COL19A1: variants seen among roughly 807,000 people sequenced by gnomAD.
The protein encoded by COL19A1 is collagen type XIX alpha 1 chain, also known as collagen alpha-1(XIX) chain.
COL19A1 carries 159 observed loss-of-function variants against 190.2 expected under a neutral mutation model. The observed-to-expected ratio is 0.84, with a 90% confidence interval of 0.73 to 0.95. COL19A1 has a LOEUF of 0.95. Ranked by LOEUF, COL19A1 falls within the 40% of genes least tolerant of loss-of-function variation. COL19A1 has a pLI of 0.00. For synonymous variants in COL19A1, 509 were observed against 458.9 expected (o/e 1.11, Z -1.39); for missense variants, 1,418 against 1,431.9 (o/e 0.99, Z 0.16).
intron 49 of COL19A1, among the ~76,000 whole-genome samples, chr6:70,206,081 C>T (rs541692568): frequency 6.6e-6 from 1 of 152,202 alleles, no homozygotes; most frequent in Non-Finnish European, 1.5e-5. Context: ...CATGCTCTTG[C>T]TATCATTTAT....
intron 16 of COL19A1, among the ~76,000 whole-genome samples, chr6:70,114,624 G>C (rs1784463297): frequency 6.6e-6 from 1 of 151,904 alleles, no homozygotes; most frequent in Admixed American, 6.6e-5. Flanking sequence ...TTCTTTCCCA[G>C]GATTTAGGAA....
intron 14 of COL19A1, among the ~76,000 whole-genome samples, chr6:70,045,238 G>T (rs1779843826): frequency 6.6e-6 from 1 of 150,858 alleles, no homozygotes; most frequent in African/African-American, 2.4e-5. Flanking sequence ...ACTTGAAACT[G>T]GGAGGTGGAG....
At chr6:70,161,586 C>A (rs144752752) in intron 34 of COL19A1, among the ~76,000 whole-genome samples, 1 of 152,026 alleles carries the variant, frequency 6.6e-6, no homozygotes, top group Admixed American at 6.6e-5. Flanking sequence ...GGAGTATAGG[C>A]GAGGTGTGAA....
intron 11 of COL19A1, among the ~76,000 whole-genome samples, chr6:69,983,863 C>G (rs558972416): frequency 1.3e-5 from 2 of 151,972 alleles, no homozygotes; most frequent in African/African-American, 4.8e-5. Context: ...TTGCTACTAT[C>G]ATGATTAGGA....
At chr6:70,123,846 G>T (rs978363921) in intron 17 of COL19A1, among the ~76,000 whole-genome samples, 4 of 150,026 alleles carry the variant, frequency 2.7e-5, no homozygotes, top group African/African-American at 9.8e-5. Flanking sequence ...AGCATTGGGA[G>T]ATACACCTAA....
chr6:70,055,800 A>AAT lies in COL19A1; in HGVS notation c.1171-12622_1171-12621insTA, dbSNP rs1562125741. Among the ~76,000 whole-genome samples, 9 of 150,906 alleles carry AAT rather than the reference A, an allele frequency of 6.0e-5. No homozygotes were observed. The East Asian group carries it at 1.2e-3, about 20-fold the overall frequency. ...CTGTATTAAAAAAAAAAAAAAAAAA[A>AAT]AAAAATTCACATTTTAATGACTGTA... On this transcript the variant is annotated intron_variant, in intron 14 of 50. Transcript: ENST00000620364.
Position 70,055,395 on chromosome 6 carries a change from TAA to T in COL19A1, c.1171-13016_1171-13015del, listed in dbSNP as rs796348302. Among the ~76,000 whole-genome samples, 562 of 143,908 alleles carry T rather than the reference TAA, an allele frequency of 3.9e-3. 10 individuals are homozygous for T. The highest frequency in any genetic ancestry group is 0.013 in the African/African-American group (530 of 39,932). 94.4% of individuals were successfully genotyped at this position (143,908 alleles called of 152,430 possible). On this transcript the variant is annotated intron_variant, in intron 14 of 50. Transcript: ENST00000620364. ...TTCATTTCCATATTGCTTGTAATAG[TAA>T]AAAAAAAAAAATAGAGACAACCTAG...
chr6:70,149,771 A>G (rs1273544914), intron 28 of COL19A1, 32 bp downstream of exon 28: 1 of 1,613,516 alleles, frequency 6.2e-7, no homozygotes, highest in Non-Finnish European at 8.5e-7. Flanking sequence ...TTAGCACAGC[A>G]AAGCCAGCTT....
At chr6:70,109,305 G>T (rs992089375) in intron 16 of COL19A1, among the ~76,000 whole-genome samples, 1 of 152,116 alleles carries the variant, frequency 6.6e-6, no homozygotes, top group Admixed American at 6.6e-5. Flanking sequence ...CCATGTAAGG[G>T]CCAGAGCAAG....
intron 9 of COL19A1, among the ~76,000 whole-genome samples, chr6:69,956,917 C>T (rs558141148): frequency 6.8e-4 from 103 of 151,942 alleles, no homozygotes; most frequent in African/African-American, 2.4e-3. Context: ...AATAGGATCT[C>T]GGACATTTTA....
intron 2 of COL19A1, among the ~76,000 whole-genome samples, chr6:69,893,299 T>C (rs192073776): frequency 7.2e-5 from 11 of 152,360 alleles, no homozygotes; most frequent in Non-Finnish European, 1.3e-4. Flanking sequence ...TACAGTTCTA[T>C]AGCTTATTAG....
chr6:70,028,899 A>T (rs1310438672), intron 12 of COL19A1, among the ~76,000 whole-genome samples: 1 of 151,782 alleles, frequency 6.6e-6, no homozygotes, highest in East Asian at 1.9e-4. Context: ...AATAAAACAC[A>T]TTTAGCTCTA....
At chr6:69,999,808 G>A (rs538788936) in intron 11 of COL19A1, among the ~76,000 whole-genome samples, 1 of 152,254 alleles carries the variant, frequency 6.6e-6, no homozygotes, top group African/African-American at 2.4e-5. Flanking sequence ...GTTACGTTGT[G>A]TAACTTCCTT....
At chr6:70,190,596 C>CTG (rs1217479060) in intron 48 of COL19A1, among the ~76,000 whole-genome samples, 2 of 152,202 alleles carry the variant, frequency 1.3e-5, no homozygotes, top group Non-Finnish European at 2.9e-5. Flanking sequence ...TATACCTGGT[C>CTG]TGTAAAACAA....
At chr6:70,095,408 T>C (rs974829409) in intron 15 of COL19A1, among the ~76,000 whole-genome samples, 1 of 152,176 alleles carries the variant, frequency 6.6e-6, no homozygotes, top group African/African-American at 2.4e-5. Context: ...ATCTAACATT[T>C]TTATATAAAA....
intron 46 of COL19A1, 128 bp from the exon 47 acceptor site, chr6:70,187,947 C>A: frequency 9.3e-7 from 1 of 1,075,296 alleles, no homozygotes; most frequent in Non-Finnish European, 1.3e-6. Context: ...GGCTAGGACA[C>A]AGAGAGTTTA....
chr6:70,118,151 T>G (rs1298304053), intron 16 of COL19A1, among the ~76,000 whole-genome samples: 3 of 152,212 alleles, frequency 2.0e-5, no homozygotes, highest in Non-Finnish European at 4.4e-5. Flanking sequence ...TAGACAACTC[T>G]TGCTAAACTT....
intron 14 of COL19A1, among the ~76,000 whole-genome samples, chr6:70,041,642 T>C (rs902902679): frequency 9.2e-5 from 14 of 152,168 alleles, no homozygotes; most frequent in African/African-American, 3.1e-4. Flanking sequence ...AATATTCAAC[T>C]GCCCATTTGG....
In COL19A1 at chr6:70,016,712, A is replaced by G. The variant is rs1443496916; in HGVS notation, c.1027-6915A>G. 4.1e-4 allele frequency among the ~76,000 whole-genome samples: 63 copies of G among 152,034 alleles called. 1 individual carries two copies. Among genetic ancestry groups the G allele is most frequent in the Admixed American group, 4.1e-3 (63 of 15,246 alleles). On this transcript the variant is annotated intron_variant, in intron 11 of 50. Transcript: ENST00000620364. ...AATAAGAAGGCAAACTAAAAATGGAAAAAAGATTTAAATAGATGATTCTTC... is the reference window on the plus strand; with the variant it reads ...AATAAGAAGGCAAACTAAAAATGGAGAAAAGATTTAAATAGATGATTCTTC...
Sources: gnomAD v4.1 joint callset for allele counts (sites outside exome capture counted in the v4.1 genomes callset) on GRCh38, gnomAD v4.1.1 for gene constraint, MANE v1.5 for transcripts, NCBI Gene and HGNC (gene_info 2026-07-23, HGNC 2026-07-21) for gene names.